EIF4EBP2: variants seen among roughly 807,000 people sequenced by gnomAD.
EIF4EBP2 encodes the protein eukaryotic translation initiation factor 4E binding protein 2.
Under a neutral mutation model 10.3 loss-of-function variants are expected in EIF4EBP2, and 5 were observed. That is an observed-to-expected ratio of 0.48 (90% CI 0.25 to 1.02). The LOEUF (loss-of-function observed/expected upper bound fraction) is 1.02. Ranked by LOEUF, EIF4EBP2 falls within the 50% of genes least tolerant of loss-of-function variation. The probability of loss-of-function intolerance (pLI) is 0.15; values close to 1 mark genes in which losing one functional copy is unlikely to be tolerated. For synonymous variants in EIF4EBP2, 67 were observed against 61.1 expected (o/e 1.10, Z -0.45); for missense variants, 188 against 162.2 (o/e 1.16, Z -0.86).
At position 70,404,322 on chromosome 10, in the gene EIF4EBP2, C is replaced by T. The variant is rs1360645182; in HGVS notation, c.-80C>T. On this transcript the variant is annotated 5_prime_UTR_variant, in exon 1 of 3. Coordinates refer to ENST00000373218, the MANE Select transcript of EIF4EBP2 (RefSeq NM_004096.5). ...AGCGCGCAGAGCGCGCTTTTCCGTC[C>T]GCCTGAGGAGCCGAAGCAGCCCCGG... 4 of 1,441,304 alleles carry T rather than the reference C, an allele frequency of 2.8e-6. No homozygotes were observed. Among genetic ancestry groups the T allele is most frequent in the East Asian group, 3.0e-5 (1 of 33,640 alleles). The allele number at this position is 1,441,304 out of a possible 1,614,324, so 89.3% of individuals were successfully genotyped here. A position where few individuals can be genotyped will look rare whatever the true frequency, so the allele number is the denominator to read the frequency against.
chr10:70,407,730 A>ACCCCCCCCC (rs750558076), intron 1 of EIF4EBP2, among the ~76,000 whole-genome samples: 3 of 103,580 alleles, frequency 2.9e-5, no homozygotes, highest in African/African-American at 1.4e-4. Context: ...CGGGGGGCTG[A>ACCCCCCCCC]CCCCCCCCCC....
rs1413539100 is a variant in EIF4EBP2 at position 70,427,615 on chromosome 10, A to G, written c.*5868A>G. ...TTTGGCAAAGCTTAGATTTAGGAGA[A>G]GGCTTGAGTCCCTGTTCAGCGGGTC... On this transcript the variant is annotated 3_prime_UTR_variant, in exon 3 of 3. Transcript: ENST00000373218. 3 of 152,206 alleles carry G rather than the reference A, an allele frequency of 2.0e-5. No homozygotes were observed. The highest frequency in any genetic ancestry group is 3.8e-4 in the East Asian group (2 of 5,200). 9.4% of individuals were successfully genotyped at this position (152,206 alleles called of 1,614,324 possible).
chr10:70,421,718 G>T lies in EIF4EBP2; in HGVS notation c.334G>T (p.Asp112Tyr), dbSNP rs1456552572. 1 of 1,613,560 alleles carries T rather than the reference G, an allele frequency of 6.2e-7. No individual in the cohort carries two copies. The highest frequency in any genetic ancestry group is 1.7e-5 in the Admixed American group (1 of 60,028). Residue 112 changes from aspartate (D) to tyrosine (Y), a missense_variant and splice_region_variant, in exon 3 of 3, where the codon GAT (aspartate) becomes TAT (tyrosine). Physicochemically the swap from Asp to Tyr is radical, Grantham distance 160. Coordinates refer to ENST00000373218, the MANE Select transcript of EIF4EBP2 (RefSeq NM_004096.5). The stretch of plus-strand genomic sequence containing the variant: ...TTCATTTTATTGGTCCTAACTAGGG[G>T]ATGATGCTCAGTTCGAGATGGACAT... ...NNHDRKHAVG[D>Y]DAQFEMDI
rs140423326 is a variant in EIF4EBP2 at position 70,405,912 on chromosome 10, C to T, written c.145+1366C>T. Among the ~76,000 whole-genome samples the T allele has an allele frequency of 4.8e-3, 733 of 152,196 alleles. 3 individuals carry two copies. The highest frequency in any genetic ancestry group is 8.2e-3 in the Non-Finnish European group (561 of 68,002). On this transcript the variant is annotated intron_variant, in intron 1 of 2. Transcript: ENST00000373218. ...TGGGTTTAAGGAAATGTTAACTTTG[C>T]AGAATAGTGGAGTTCTTAGGTGGCT...
In EIF4EBP2 at chr10:70,404,309, G is replaced by T; in HGVS notation, c.-93G>T. 7.1e-7 allele frequency: 1 copy of T among 1,410,076 alleles called. No homozygotes were observed. Among genetic ancestry groups the T allele is most frequent in the South Asian group, 1.5e-5 (1 of 67,502 alleles). 87.3% of individuals were successfully genotyped at this position (1,410,076 alleles called of 1,614,324 possible). A position where few individuals can be genotyped will look rare whatever the true frequency, so the allele number is the denominator to read the frequency against. On this transcript the variant is annotated 5_prime_UTR_variant, in exon 1 of 3. Transcript: ENST00000373218. ...GAAGCGAGCGAGGAGCGCGCAGAGC[G>T]CGCTTTTCCGTCCGCCTGAGGAGCC...
Position 70,404,465 on chromosome 10 carries a change from G to A in EIF4EBP2, c.64G>A (p.Val22Met), listed in dbSNP as rs1345202998. 1.9e-6 allele frequency: 3 copies of A among 1,598,776 alleles called. No individual in the cohort carries two copies. The South Asian group carries it at 3.3e-5, about 18-fold the overall frequency. Residue 22 changes from valine (V) to methionine (M), a missense_variant, in exon 1 of 3, where the codon GTG becomes ATG. Val to Met is a conservative substitution (Grantham distance 21, BLOSUM62 1). Transcript: ENST00000373218. ...GAGCCGCGCCATCCCCACCCGCACC[G>A]TGGCCATCAGCGACGCCGCGCAGCT... ...SQSRAIPTRT[V>M]AISDAAQLPH...
chr10:70,409,464 T>A (rs893857550), intron 1 of EIF4EBP2, among the ~76,000 whole-genome samples: 1 of 152,216 alleles, frequency 6.6e-6, no homozygotes, highest in Admixed American at 6.5e-5. Context: ...CATTTTATTA[T>A]TGAGAGAAAT....
chr10:70,405,415 A>G (rs187172965), intron 1 of EIF4EBP2, among the ~76,000 whole-genome samples: 1 of 152,280 alleles, frequency 6.6e-6, no homozygotes, highest in Admixed American at 6.5e-5. Context: ...ACTGGGGTAG[A>G]GGTGAAGCTT....
Position 70,412,836 on chromosome 10 carries a change from A to T in EIF4EBP2, c.146-7078A>T, listed in dbSNP as rs3763733. On this transcript the variant is annotated intron_variant, in intron 1 of 2. Coordinates refer to ENST00000373218, the MANE Select transcript of EIF4EBP2 (RefSeq NM_004096.5). Reference sequence around the variant, plus strand: ...GGTCACTAAGGGATGAAAAATTTATAAATAGCTAATGTTAACCTAGATCTA... The same window carrying T: ...GGTCACTAAGGGATGAAAAATTTATTAATAGCTAATGTTAACCTAGATCTA... Among the ~76,000 whole-genome samples the T allele has an allele frequency of 2.8e-3, 421 of 152,346 alleles. 11 individuals are homozygous for T. In the East Asian group the frequency reaches 0.058, roughly 21 times the overall value.
At position 70,423,584 on chromosome 10, in the gene EIF4EBP2, C is replaced by G. The variant is rs928763242; in HGVS notation, c.*1837C>G. Reference sequence around the variant, plus strand: ...GCCCTGAACTTTTTTATTAAGAAATCAGATCCCAGGGTGAGAGTAACAGGC... The same window carrying G: ...GCCCTGAACTTTTTTATTAAGAAATGAGATCCCAGGGTGAGAGTAACAGGC... On this transcript the variant is annotated 3_prime_UTR_variant, in exon 3 of 3. Coordinates refer to ENST00000373218, the MANE Select transcript of EIF4EBP2 (RefSeq NM_004096.5). The G allele has an allele frequency of 1.3e-5, 2 of 152,260 alleles. No individual in the cohort carries two copies. The highest frequency in any genetic ancestry group is 4.8e-5 in the African/African-American group (2 of 41,440). 9.4% of individuals were successfully genotyped at this position (152,260 alleles called of 1,614,324 possible).
In EIF4EBP2 at chr10:70,419,797, G is replaced by C. The variant is rs1049130505; in HGVS notation, c.146-117G>C. The C allele has an allele frequency of 5.1e-6, 4 of 790,898 alleles. No individual in the cohort carries two copies. The African/African-American group carries it at 7.1e-5, about 14-fold the overall frequency. The allele number at this position is 790,898 out of a possible 1,614,324, so 49.0% of individuals were successfully genotyped here. On this transcript the variant is annotated intron_variant, in intron 1 of 2. Transcript: ENST00000373218. ...AGGTTAGAGATTATGCTTTCAACTT[G>C]AATTGTAAAATCCTTAAAAGTTAGG... is the stretch of plus-strand genomic sequence containing the variant.
At chr10:70,406,220 C>CA (rs1844963238) in intron 1 of EIF4EBP2, among the ~76,000 whole-genome samples, 1 of 152,164 alleles carries the variant, frequency 6.6e-6, no homozygotes, top group Non-Finnish European at 1.5e-5. Context: ...GTTATTCGCC[C>CA]CGTCAGCCTC....
intron 1 of EIF4EBP2, among the ~76,000 whole-genome samples, chr10:70,405,603 C>A (rs138066087): frequency 1.3e-5 from 2 of 152,318 alleles, no homozygotes; most frequent in East Asian, 3.9e-4. Context: ...GTGGGGACTT[C>A]GCAGCTCCTG....
At chr10:70,404,625 G>T (rs1353938381) in intron 1 of EIF4EBP2, 79 bp downstream of exon 1, 23 of 1,405,204 alleles carry the variant, frequency 1.6e-5, no homozygotes, top group Non-Finnish European at 2.0e-5. Context: ...GTGCCCGGCC[G>T]CTTCGCCCCC....
intron 1 of EIF4EBP2, among the ~76,000 whole-genome samples, chr10:70,412,708 T>G (rs973465733): frequency 6.6e-6 from 1 of 152,112 alleles, no homozygotes; most frequent in Non-Finnish European, 1.5e-5. Flanking sequence ...ATAGGGTTTT[T>G]CCCCCCTCTC....
At chr10:70,419,430 A>G (rs1036736582) in intron 1 of EIF4EBP2, among the ~76,000 whole-genome samples, 1 of 152,222 alleles carries the variant, frequency 6.6e-6, no homozygotes, top group African/African-American at 2.4e-5. Context: ...GAAAGCCTTT[A>G]AAAGGGGCTG....
intron 1 of EIF4EBP2, among the ~76,000 whole-genome samples, 188 bp from the exon 2 acceptor site, chr10:70,419,721 CAGAAG>C (rs1238528130): frequency 2.0e-5 from 3 of 151,998 alleles, no homozygotes; most frequent in African/African-American, 7.3e-5. Flanking sequence ...GTGTCCCTGG[CAGAAG>C]AGAAAGGGCA....
chr10:70,420,678 T>A (rs1845146225), intron 2 of EIF4EBP2, among the ~76,000 whole-genome samples: 1 of 152,240 alleles, frequency 6.6e-6, no homozygotes, highest in Admixed American at 6.5e-5. Flanking sequence ...CTTTGAACCA[T>A]GCCTTAAGGA....
At position 70,422,228 on chromosome 10, in the gene EIF4EBP2, T is replaced by G. The variant is rs538636167; in HGVS notation, c.*481T>G. The stretch of plus-strand genomic sequence containing the variant: ...CTGTATCCCACCTATGGTTCAGTGT[T>G]GCAAGAGTCTGGGCTTGGGGTCTTT... On this transcript the variant is annotated 3_prime_UTR_variant, in exon 3 of 3. Coordinates refer to ENST00000373218, the MANE Select transcript of EIF4EBP2 (RefSeq NM_004096.5). 341 of 154,914 alleles carry G rather than the reference T, an allele frequency of 2.2e-3. 1 individual carries two copies. The highest frequency in any genetic ancestry group is 3.6e-3 in the Non-Finnish European group (248 of 69,686). 9.6% of individuals were successfully genotyped at this position (154,914 alleles called of 1,614,324 possible).
Sources: gnomAD v4.1 joint callset for allele counts (sites outside exome capture counted in the v4.1 genomes callset) on GRCh38, gnomAD v4.1.1 for gene constraint, MANE v1.5 for transcripts, NCBI Gene and HGNC (gene_info 2026-07-23, HGNC 2026-07-21) for gene names.